BCAS1: variants seen among roughly 807,000 people sequenced by gnomAD.
BCAS1 encodes brain enriched myelin associated protein 1.
BCAS1 carries 46 observed loss-of-function variants against 65.4 expected under a neutral mutation model. The ratio of observed to expected loss-of-function variants is 0.70; its 90% CI spans 0.55 to 0.90. The LOEUF (loss-of-function observed/expected upper bound fraction) is 0.90, where lower values mean the gene tolerates loss of function less well. Among genes scored for constraint, BCAS1 ranks in the 40% least tolerant of loss-of-function variants. The pLI is 0.00. For synonymous variants in BCAS1, 298 were observed against 293.5 expected (o/e 1.02, Z -0.16); for missense variants, 793 against 771.2 (o/e 1.03, Z -0.33).
intron 3 of BCAS1, among the ~76,000 whole-genome samples, chr20:54,041,861 T>C (rs2092000301): frequency 7.8e-6 from 1 of 127,890 alleles, no homozygotes; most frequent in African/African-American, 3.0e-5. Context: ...ATTGTGCCAC[T>C]GCACTCTAAC....
Position 54,028,387 on chromosome 20 carries a change from C to T in BCAS1, c.723+5G>A. On this transcript the variant is annotated splice_donor_5th_base_variant and intron_variant, in intron 4 of 12. Coordinates refer to ENST00000688948, the MANE Select transcript of BCAS1 (RefSeq NM_001366298.2). ...AACCAAGTGGATACACCTTGGCACACTTACCTTCCCTGCAGGGACATCATC... is the reference window on the plus strand; with the variant it reads ...AACCAAGTGGATACACCTTGGCACATTTACCTTCCCTGCAGGGACATCATC... The T allele has an allele frequency of 6.2e-7, 1 of 1,614,224 alleles. No individual in the cohort carries two copies. The highest frequency in any genetic ancestry group is 8.5e-7 in the Non-Finnish European group (1 of 1,180,018).
At chr20:54,023,611 T>C (rs528616976) in intron 4 of BCAS1, among the ~76,000 whole-genome samples, 1 of 152,182 alleles carries the variant, frequency 6.6e-6, no homozygotes, top group South Asian at 2.1e-4. Context: ...GCAGAGAAAA[T>C]ACCAGGAGAC....
intron 1 of BCAS1, among the ~76,000 whole-genome samples, chr20:54,065,719 C>T (rs6127081): frequency 0.14 from 21,108 of 152,124 alleles, 1,940 homozygotes; most frequent in East Asian, 0.32. Context: ...GGTGAAATAG[C>T]GCAAGCCCTC....
intron 3 of BCAS1, 159 bp from the exon 4 acceptor site, chr20:54,029,131 C>T: frequency 1.0e-6 from 1 of 985,370 alleles, no homozygotes. Flanking sequence ...CTCTACATCT[C>T]CTTGGACCCT....
chr20:53,997,077 T>C (rs1239821647), intron 4 of BCAS1, among the ~76,000 whole-genome samples: 1 of 152,236 alleles, frequency 6.6e-6, no homozygotes, highest in East Asian at 1.9e-4. Context: ...AACATTCATC[T>C]AAGGCTGTCC....
intron 12 of BCAS1, among the ~76,000 whole-genome samples, chr20:53,951,610 C>T (rs762314299): frequency 2.6e-5 from 4 of 152,220 alleles, no homozygotes; most frequent in Non-Finnish European, 5.9e-5. Context: ...TTTGTGGCAT[C>T]CCAAGTTGGA....
intron 3 of BCAS1, among the ~76,000 whole-genome samples, chr20:54,043,643 C>T (rs1401224221): frequency 6.6e-6 from 1 of 152,152 alleles, no homozygotes; most frequent in Non-Finnish European, 1.5e-5. Context: ...TTACATGGTC[C>T]TCAGACTTGA....
chr20:54,067,354 C>T (rs912019794), intron 1 of BCAS1, among the ~76,000 whole-genome samples: 6 of 122,292 alleles, frequency 4.9e-5, no homozygotes, highest in Admixed American at 9.1e-5. Context: ...CCAGCCTGAG[C>T]GACAGAATGA....
chr20:54,066,379 G>T (rs1362371911), intron 1 of BCAS1, among the ~76,000 whole-genome samples: 1 of 152,142 alleles, frequency 6.6e-6, no homozygotes, highest in Admixed American at 6.5e-5. Flanking sequence ...GCCGAGGCAG[G>T]TATTTTTATT....
At chr20:54,043,817 G>A (rs2092047001) in intron 3 of BCAS1, among the ~76,000 whole-genome samples, 1 of 152,200 alleles carries the variant, frequency 6.6e-6, no homozygotes, top group African/African-American at 2.4e-5. Flanking sequence ...GGACAACTCT[G>A]CGAGTCACTG....
At chr20:54,002,531 A>G (rs1257174662) in intron 4 of BCAS1, among the ~76,000 whole-genome samples, 3 of 152,190 alleles carry the variant, frequency 2.0e-5, no homozygotes, top group Non-Finnish European at 4.4e-5. Flanking sequence ...TTGGTGATGC[A>G]TGAATCTTGA....
chr20:53,979,556 C>G (rs192883295), intron 8 of BCAS1, among the ~76,000 whole-genome samples: 2 of 152,298 alleles, frequency 1.3e-5, no homozygotes, highest in East Asian at 3.9e-4. Context: ...GGTGAACTCT[C>G]GTGGGCTTGG....
chr20:53,990,648 G>C (rs2090732925), intron 7 of BCAS1, among the ~76,000 whole-genome samples: 2 of 152,084 alleles, frequency 1.3e-5, no homozygotes, highest in South Asian at 4.1e-4. Context: ...AGAGAATCTG[G>C]CTGGTTATTT....
At position 53,967,085 on chromosome 20, in the gene BCAS1, T is replaced by C. The variant is rs763637376; in HGVS notation, c.1318-12A>G. On this transcript the variant is annotated splice_polypyrimidine_tract_variant and intron_variant, in intron 9 of 12. Coordinates refer to ENST00000688948, the MANE Select transcript of BCAS1 (RefSeq NM_001366298.2). ...GACTCACACACCACCTGGATTATTT[T>C]GCCAGGTAATAAGAAAATGAAAAAC... 1 of 1,597,750 alleles carries C rather than the reference T, an allele frequency of 6.3e-7. No homozygotes were observed. Among genetic ancestry groups the C allele is most frequent in the Non-Finnish European group, 8.5e-7 (1 of 1,175,004 alleles).
Position 54,028,472 on chromosome 20 carries a change from C to A in BCAS1, c.643G>T (p.Ala215Ser). Residue 215 changes from alanine (A) to serine (S), a missense_variant, in exon 4 of 13, where the codon GCC becomes TCC. By Grantham distance (99) the Ala-to-Ser change is moderately conservative (BLOSUM62 1). Coordinates refer to ENST00000688948, the MANE Select transcript of BCAS1 (RefSeq NM_001366298.2). ...EKVPGDSQQE[A>S]KRAEHQDKVD... The stretch of plus-strand genomic sequence containing the variant: ...TTGTCTTGATGCTCTGCCCTCTTGG[C>A]TTCCTGTTGGCTGTCACCTGGCACC... 6.2e-7 allele frequency: 1 copy of A among 1,614,240 alleles called. No homozygotes were observed. Among genetic ancestry groups the A allele is most frequent in the Non-Finnish European group, 8.5e-7 (1 of 1,180,042 alleles).
chr20:53,962,936 T>C (rs6127036), intron 10 of BCAS1, among the ~76,000 whole-genome samples: 15,991 of 151,974 alleles, frequency 0.11, 1,304 homozygotes, highest in East Asian at 0.3. Context: ...CTGCAAGCTC[T>C]GCCTCCCGGA....
chr20:54,029,098 A>G, intron 3 of BCAS1, 126 bp from the exon 4 acceptor site: 1 of 1,440,014 alleles, frequency 6.9e-7, no homozygotes, highest in Middle Eastern at 2.5e-4. Flanking sequence ...TTCTCTGGTC[A>G]TTCTGAAAGG....
At chr20:54,042,103 A>G (rs1195835352) in intron 3 of BCAS1, among the ~76,000 whole-genome samples, 2 of 152,132 alleles carry the variant, frequency 1.3e-5, no homozygotes, top group Non-Finnish European at 2.9e-5. Flanking sequence ...TTACGTATGG[A>G]ACTATTTGCT....
intron 4 of BCAS1, among the ~76,000 whole-genome samples, chr20:54,006,310 GT>G (rs2145922575): frequency 6.6e-6 from 1 of 152,320 alleles, no homozygotes; most frequent in African/African-American, 2.4e-5. Context: ...AAAAAAGCAA[GT>G]CCCCCTTCTT....
Sources: allele counts gnomAD v4.1 joint callset (sites outside exome capture counted in the v4.1 genomes callset), GRCh38; gene constraint gnomAD v4.1.1; transcripts MANE v1.5; gene names NCBI Gene and HGNC (gene_info 2026-07-23, HGNC 2026-07-21).